CUL3: variants seen among roughly 807,000 people sequenced by gnomAD.
CUL3 encodes the protein cullin-3.
CUL3 carries 19 observed loss-of-function variants against 89.1 expected under a neutral mutation model. The observed-to-expected ratio is 0.21, with a 90% confidence interval of 0.15 to 0.31. The LOEUF (loss-of-function observed/expected upper bound fraction) is 0.31. Among genes scored for constraint, CUL3 ranks in the 10% least tolerant of loss-of-function variants. The pLI, the probability that CUL3 is intolerant of heterozygous loss-of-function variation, is 1.00. For synonymous variants in CUL3, 351 were observed against 308.4 expected, an observed-to-expected ratio of 1.14 and a Z score of -1.45; for missense variants, 469 against 942.3, an observed-to-expected ratio of 0.50 and a Z score of 6.58.
At chr2:224,480,946 C>G (rs1490240421) in intron 14 of CUL3, among the ~76,000 whole-genome samples, 1 of 152,032 alleles carries the variant, frequency 6.6e-6, no homozygotes, top group East Asian at 1.9e-4. Context: ...GGGGGCAAAG[C>G]CTTGCCAGAG....
chr2:224,487,259 A>G (rs1691761217), intron 13 of CUL3, among the ~76,000 whole-genome samples: 1 of 152,158 alleles, frequency 6.6e-6, no homozygotes, highest in Admixed American at 6.5e-5. Context: ...TCGAATTCAC[A>G]CATAACAATA....
intron 3 of CUL3, among the ~76,000 whole-genome samples, chr2:224,517,478 GC>G (rs1186618214): frequency 1.3e-5 from 2 of 152,114 alleles, no homozygotes; most frequent in South Asian, 2.1e-4. Flanking sequence ...TTTGAGACCA[GC>G]CTGGCCAATA....
intron 13 of CUL3, among the ~76,000 whole-genome samples, chr2:224,490,906 CTGA>C (rs1691947203): frequency 6.6e-6 from 1 of 152,082 alleles, no homozygotes; most frequent in Admixed American, 6.5e-5. Flanking sequence ...CCCATTTACC[CTGA>C]TGTGATTATT....
At chr2:224,541,716 G>A (rs2106275957) in intron 2 of CUL3, among the ~76,000 whole-genome samples, 1 of 152,192 alleles carries the variant, frequency 6.6e-6, no homozygotes, top group South Asian at 2.1e-4. Flanking sequence ...TAGAGTATCA[G>A]CCATAAAAGG....
At position 224,544,861 on chromosome 2, in the gene CUL3, T is replaced by C. The variant is rs181712082; in HGVS notation, c.265-9220A>G. 1.0e-3 allele frequency among the ~76,000 whole-genome samples: 153 copies of C among 151,956 alleles called. 1 individual carries two copies. In the Middle Eastern group the frequency reaches 0.014, roughly 14 times the overall value. On this transcript the variant is annotated intron_variant, in intron 2 of 15. Coordinates refer to ENST00000264414, the MANE Select transcript of CUL3 (RefSeq NM_003590.5). ...CTCTTTCCCTCACCCTGAGAATTCC[T>C]GATCTAAAAGGTTAAAAAGAAACAC...
At chr2:224,483,836 A>G (rs906959229) in intron 13 of CUL3, among the ~76,000 whole-genome samples, 1 of 152,190 alleles carries the variant, frequency 6.6e-6, no homozygotes, top group African/African-American at 2.4e-5. Context: ...TTTGAGCACG[A>G]AAGCCTGTTT....
At chr2:224,526,585 CAAAAAAAAAAAAAAAAAAA>C (rs1166152595) in intron 3 of CUL3, among the ~76,000 whole-genome samples, 1 of 26,166 alleles carries the variant, frequency 3.8e-5, no homozygotes, top group South Asian at 1.4e-3. Context: ...GACTCCGTCT[CAAAAAAAAAAAAAAAAAAA>C]AAAAAAAGAA....
At chr2:224,500,304 C>A (rs1002945024) in intron 11 of CUL3, 59 bp downstream of exon 11, 9 of 1,567,564 alleles carry the variant, frequency 5.7e-6, no homozygotes, top group Admixed American at 3.4e-5. Context: ...TGTTCAAATT[C>A]ATTTTTAATT....
intron 2 of CUL3, among the ~76,000 whole-genome samples, chr2:224,548,153 T>C (rs933202160): frequency 6.6e-6 from 1 of 152,206 alleles, no homozygotes; most frequent in South Asian, 2.1e-4. Context: ...AGGCTGCAAT[T>C]TCCCCACTGG....
At position 224,472,140 on chromosome 2, in the gene CUL3, G is replaced by C. The variant is rs1364848426; in HGVS notation, c.*2105C>G. The C allele has an allele frequency of 4.4e-6, 1 of 228,800 alleles. No homozygotes were observed. The highest frequency in any genetic ancestry group is 8.7e-6 in the Non-Finnish European group (1 of 115,452). 14.2% of individuals were successfully genotyped at this position (228,800 alleles called of 1,614,324 possible). ...TCTCCAACCATTCAACTGCAATTCA[G>C]AAATGTTTTAATGTATTTAGAAGCA... is the stretch of plus-strand genomic sequence containing the variant. On this transcript the variant is annotated 3_prime_UTR_variant, in exon 16 of 16. Transcript: ENST00000264414.
chr2:224,572,413 A>C (rs1349101289), intron 1 of CUL3, among the ~76,000 whole-genome samples: 2 of 151,816 alleles, frequency 1.3e-5, no homozygotes, highest in African/African-American at 4.8e-5. Flanking sequence ...TGAAAGCCAA[A>C]GTGTGTGGAT....
intron 1 of CUL3, among the ~76,000 whole-genome samples, chr2:224,583,357 T>A (rs1392979476): frequency 1.3e-5 from 2 of 152,068 alleles, no homozygotes; most frequent in East Asian, 3.8e-4. Flanking sequence ...GCGAAACTCT[T>A]GTCTCAAAAA....
At chr2:224,569,785 A>G in intron 1 of CUL3, 1 of 1,163,730 alleles carries the variant, frequency 8.6e-7, no homozygotes, top group Non-Finnish European at 1.1e-6. Flanking sequence ...ACTACATACA[A>G]AGGACAAGAA....
At chr2:224,478,986 A>G (rs1407043887) in intron 14 of CUL3, 1 of 152,250 alleles carries the variant, frequency 6.6e-6, no homozygotes, top group African/African-American at 2.4e-5. Context: ...ACCAGATTCC[A>G]ATCTTTAGGA....
intron 13 of CUL3, among the ~76,000 whole-genome samples, chr2:224,492,972 A>G (rs1162515821): frequency 6.6e-6 from 1 of 152,212 alleles, no homozygotes; most frequent in Non-Finnish European, 1.5e-5. Context: ...AACTAAGGCC[A>G]CTTAACAACA....
rs2106125417 is a variant in CUL3 at position 224,470,799 on chromosome 2, G to C, written c.*3446C>G. 2 of 231,234 alleles carry C rather than the reference G, an allele frequency of 8.6e-6. No homozygotes were observed. The highest frequency in any genetic ancestry group is 1.8e-4 in the South Asian group (1 of 5,516). 14.3% of individuals were successfully genotyped at this position (231,234 alleles called of 1,614,324 possible). On this transcript the variant is annotated 3_prime_UTR_variant, in exon 16 of 16. Coordinates refer to ENST00000264414, the MANE Select transcript of CUL3 (RefSeq NM_003590.5). Reference sequence around the variant, plus strand: ...AAAATTCCATATTGCAATGCTTCATGTATTAACTTTAGTTTGTCACATTAC... The same window carrying C: ...AAAATTCCATATTGCAATGCTTCATCTATTAACTTTAGTTTGTCACATTAC...
At chr2:224,551,421 G>A (rs1694512995) in intron 2 of CUL3, among the ~76,000 whole-genome samples, 1 of 152,000 alleles carries the variant, frequency 6.6e-6, no homozygotes, top group Admixed American at 6.6e-5. Context: ...TAGCCAGGAT[G>A]GTCTCGATCT....
chr2:224,574,227 A>G (rs1046279484), intron 1 of CUL3, among the ~76,000 whole-genome samples: 1 of 152,198 alleles, frequency 6.6e-6, no homozygotes, highest in African/African-American at 2.4e-5. Context: ...TCATTTAAAG[A>G]GTAAATTTGG....
At chr2:224,538,563 A>G (rs1574671029) in intron 2 of CUL3, among the ~76,000 whole-genome samples, 1 of 152,196 alleles carries the variant, frequency 6.6e-6, no homozygotes, top group Admixed American at 6.5e-5. Context: ...ATGGGAGGGA[A>G]CCCTGCTGTA....
Sources: allele counts gnomAD v4.1 joint callset (sites outside exome capture counted in the v4.1 genomes callset), GRCh38; gene constraint gnomAD v4.1.1; transcripts MANE v1.5; gene names NCBI Gene and HGNC (gene_info 2026-07-23, HGNC 2026-07-21).